Variants in SPOCK1 observed in about 807,000 individuals in gnomAD.
SPOCK1 encodes the protein testican-1.
A neutral mutation model predicts 55.3 loss-of-function variants in SPOCK1; 23 were observed. That is an observed-to-expected ratio of 0.42 (90% confidence interval 0.30 to 0.59). The LOEUF (loss-of-function observed/expected upper bound fraction) is 0.59, where lower values mean the gene tolerates loss of function less well. Ranked by LOEUF, SPOCK1 falls within the 20% of genes least tolerant of loss-of-function variation. SPOCK1 has a pLI of 0.22. For synonymous variants in SPOCK1, 226 were observed against 221.0 expected, an observed-to-expected ratio of 1.02 and a Z score of -0.20; for missense variants, 499 against 552.5, an observed-to-expected ratio of 0.90 and a Z score of 0.97.
chr5:137,441,630 T>A (rs1753010129), intron 2 of SPOCK1, among the ~76,000 whole-genome samples: 1 of 152,094 alleles, frequency 6.6e-6, no homozygotes, highest in Non-Finnish European at 1.5e-5. Context: ...GCTCTGACCC[T>A]TGGGTCCCAG....
intron 2 of SPOCK1, among the ~76,000 whole-genome samples, chr5:137,493,915 C>T (rs1754244262): frequency 6.6e-6 from 1 of 152,138 alleles, no homozygotes; most frequent in African/African-American, 2.4e-5. Flanking sequence ...AGATCAGATG[C>T]TCGCTGCCAC....
chr5:137,232,354 G>T (rs1756080275), intron 3 of SPOCK1, among the ~76,000 whole-genome samples: 1 of 152,152 alleles, frequency 6.6e-6, no homozygotes, highest in Non-Finnish European at 1.5e-5. Context: ...CATTTTGAGT[G>T]AATTTCTGTC....
chr5:137,170,431 C>G (rs1754731565), intron 3 of SPOCK1, among the ~76,000 whole-genome samples: 1 of 152,064 alleles, frequency 6.6e-6, no homozygotes, highest in African/African-American at 2.4e-5. Context: ...TCTGTCCCTC[C>G]CAAAATGTGT....
intron 2 of SPOCK1, among the ~76,000 whole-genome samples, chr5:137,376,267 C>A (rs2127172943): frequency 6.6e-6 from 1 of 152,308 alleles, no homozygotes; most frequent in African/African-American, 2.4e-5. Flanking sequence ...AAGAGAGCAG[C>A]ACAAGCACCT....
At position 137,292,426 on chromosome 5, in the gene SPOCK1, T is replaced by TAAAAA. The variant is rs753574851; in HGVS notation, c.187-25376_187-25372dup. Among the ~76,000 whole-genome samples the TAAAAA allele has an allele frequency of 3.9e-4, 15 of 38,004 alleles. 1 individual carries two copies. The highest frequency in any genetic ancestry group is 4.0e-3 in the South Asian group (2 of 500). 24.9% of individuals were successfully genotyped at this position (38,004 alleles called of 152,430 possible). A position where few individuals can be genotyped will look rare whatever the true frequency, so the allele number is the denominator to read the frequency against. ...TATGCTGTCCATTCACTGGTGTAGT[T>TAAAAA]AAAAAAAAAAAAAAAAAAAAAAAAA... is the stretch of plus-strand genomic sequence containing the variant. On this transcript the variant is annotated intron_variant, in intron 2 of 10. Coordinates refer to ENST00000394945, the MANE Select transcript of SPOCK1 (RefSeq NM_004598.4).
chr5:137,369,417 G>A (rs977160075), intron 2 of SPOCK1, among the ~76,000 whole-genome samples: 2 of 152,084 alleles, frequency 1.3e-5, no homozygotes, highest in Non-Finnish European at 2.9e-5. Context: ...AATAATGACA[G>A]GGCTGTAAGA....
chr5:137,243,957 A>C (rs577952745), intron 3 of SPOCK1, among the ~76,000 whole-genome samples: 1 of 152,342 alleles, frequency 6.6e-6, no homozygotes, highest in South Asian at 2.1e-4. Context: ...AGATAAAAGC[A>C]ATGAGGATGA....
In SPOCK1 at chr5:136,977,629, T is replaced by G. The variant is rs934251545; in HGVS notation, c.*1025A>C. 6.3e-6 allele frequency: 2 copies of G among 318,996 alleles called. No homozygotes were observed. Among genetic ancestry groups the G allele is most frequent in the Non-Finnish European group, 1.1e-5 (2 of 184,772 alleles). 19.8% of individuals were successfully genotyped at this position (318,996 alleles called of 1,614,324 possible). ...AGGAAGAAACCTATGGCAGACAGGA[T>G]TGCTGCAGCCAAGGGGCTTCAAGCA... is the stretch of plus-strand genomic sequence containing the variant. On this transcript the variant is annotated 3_prime_UTR_variant, in exon 11 of 11. Coordinates refer to ENST00000394945, the MANE Select transcript of SPOCK1 (RefSeq NM_004598.4).
chr5:137,490,293 G>A (rs1286842870), intron 2 of SPOCK1, among the ~76,000 whole-genome samples: 3 of 152,176 alleles, frequency 2.0e-5, no homozygotes, highest in Non-Finnish European at 2.9e-5. Flanking sequence ...CAAAGGTCTG[G>A]CTAATCCCTA....
At chr5:137,264,151 C>T (rs959930) in intron 3 of SPOCK1, among the ~76,000 whole-genome samples, 61,202 of 151,792 alleles carry the variant, frequency 0.4, 13,510 homozygotes, top group Non-Finnish European at 0.48. Context: ...CAGCCAGAGC[C>T]CAGGGCTCCA....
intron 3 of SPOCK1, among the ~76,000 whole-genome samples, chr5:137,264,875 G>A (rs1756815020): frequency 6.6e-6 from 1 of 152,200 alleles, no homozygotes; most frequent in African/African-American, 2.4e-5. Context: ...AGCTCTGCCT[G>A]TGCTCCTCAT....
chr5:137,377,930 A>G (rs1478632566), intron 2 of SPOCK1, among the ~76,000 whole-genome samples: 1 of 150,030 alleles, frequency 6.7e-6, no homozygotes, highest in Non-Finnish European at 1.5e-5. Context: ...AATGCAATAC[A>G]ATCACTTCTT....
intron 4 of SPOCK1, 69 bp downstream of exon 4, chr5:137,140,511 C>T: frequency 7.4e-7 from 1 of 1,348,792 alleles, no homozygotes; most frequent in Non-Finnish European, 1.0e-6. Context: ...ACGTCAAAGA[C>T]TGGAAACCCT....
At chr5:137,275,385 C>T (rs1757045595) in intron 2 of SPOCK1, among the ~76,000 whole-genome samples, 1 of 152,198 alleles carries the variant, frequency 6.6e-6, no homozygotes, top group Non-Finnish European at 1.5e-5. Flanking sequence ...CCATCCCTCC[C>T]CACTTATCCT....
intron 4 of SPOCK1, among the ~76,000 whole-genome samples, chr5:137,117,075 T>C (rs879268120): frequency 1.3e-5 from 2 of 152,190 alleles, no homozygotes; most frequent in East Asian, 3.9e-4. Flanking sequence ...TAAGAGGTTA[T>C]TATTCCAACA....
chr5:137,063,694 G>A (rs1195065048), intron 6 of SPOCK1, among the ~76,000 whole-genome samples: 1 of 152,180 alleles, frequency 6.6e-6, no homozygotes, highest in East Asian at 1.9e-4. Flanking sequence ...ACCCAGTTCT[G>A]GACCCTAGGT....
intron 2 of SPOCK1, among the ~76,000 whole-genome samples, chr5:137,390,680 C>T (rs571493529): frequency 1.1e-4 from 16 of 152,276 alleles, no homozygotes; most frequent in African/African-American, 3.9e-4. Context: ...TTTCCCTCTG[C>T]ACATTAACAT....
intron 3 of SPOCK1, among the ~76,000 whole-genome samples, chr5:137,160,497 C>CTA (rs200949804): frequency 0.19 from 16,640 of 86,264 alleles, 1,896 homozygotes; most frequent in Middle Eastern, 0.33. Flanking sequence ...AACACCTGGG[C>CTA]TATATATATA....
rs1751021421 is a variant in SPOCK1 at position 137,364,764 on chromosome 5, G to A, written c.187-97709C>T. Among the ~76,000 whole-genome samples the A allele has an allele frequency of 2.0e-5, 3 of 152,338 alleles. No homozygotes were observed. In the South Asian group the frequency reaches 6.2e-4, roughly 32 times the overall value. ...GCTATCATTTTATACCAAGGATAGAGCAGGATTTAAGAGCCAAGACTTGGA... is the reference window on the plus strand; with the variant it reads ...GCTATCATTTTATACCAAGGATAGAACAGGATTTAAGAGCCAAGACTTGGA... On this transcript the variant is annotated intron_variant, in intron 2 of 10. Transcript: ENST00000394945.
Sources: allele counts gnomAD v4.1 joint callset (sites outside exome capture counted in the v4.1 genomes callset), GRCh38; gene constraint gnomAD v4.1.1; transcripts MANE v1.5; gene names NCBI Gene and HGNC (gene_info 2026-07-23, HGNC 2026-07-21).